The following DHTKD1 variants were observed in gnomAD, a reference collection of about 807,000 sequenced individuals.
DHTKD1 encodes the protein dehydrogenase E1 and transketolase domain containing 1, also known as 2-oxoadipate dehydrogenase complex component E1.
DHTKD1 carries 78 observed loss-of-function variants against 101.8 expected under a neutral mutation model. That is an observed-to-expected ratio of 0.77 (90% CI 0.64 to 0.93). DHTKD1 has a LOEUF of 0.93. DHTKD1 is among the 40% of genes least tolerant of loss of function. DHTKD1 has a pLI of 0.00. For missense variants in DHTKD1, 1,223 were observed against 1,161.7 expected (o/e 1.05, Z -0.77); for synonymous variants, 462 against 450.3 (o/e 1.03, Z -0.33).
At chr10:12,070,661 G>A (rs2131343620) in intron 1 of DHTKD1, among the ~76,000 whole-genome samples, 1 of 152,174 alleles carries the variant, frequency 6.6e-6, no homozygotes, top group African/African-American at 2.4e-5. Context: ...GCTAATTTTT[G>A]TATTTTTAGT....
chr10:12,069,973 G>A (rs563767447), intron 1 of DHTKD1, among the ~76,000 whole-genome samples: 1 of 152,188 alleles, frequency 6.6e-6, no homozygotes, highest in South Asian at 2.1e-4. Flanking sequence ...TGCATTGCTT[G>A]GGAGAAGTGG....
chr10:12,079,856 G>A (rs577970569), intron 1 of DHTKD1, among the ~76,000 whole-genome samples: 2 of 152,128 alleles, frequency 1.3e-5, no homozygotes, highest in Non-Finnish European at 2.9e-5. Context: ...AAATCAGTTC[G>A]TTTCCTGGGA....
At chr10:12,120,483 G>A (rs1170886208) in intron 16 of DHTKD1, 15 of 517,846 alleles carry the variant, frequency 2.9e-5, no homozygotes, top group South Asian at 4.2e-5. Flanking sequence ...ACAGGCGCCC[G>A]CCACCACACC....
At chr10:12,109,489 G>T (rs1833297416) in intron 12 of DHTKD1, among the ~76,000 whole-genome samples, 1 of 151,172 alleles carries the variant, frequency 6.6e-6, no homozygotes, top group Non-Finnish European at 1.5e-5. Flanking sequence ...ACAGTCATGA[G>T]TCTGGAAGAA....
rs112910106 is a variant in DHTKD1, at chr10:12,097,876, G to A, written c.1551G>A (p.Ala517=). 127 of 1,614,212 alleles carry A rather than the reference G, an allele frequency of 7.9e-5. 2 individuals are homozygous for A. The highest frequency in any genetic ancestry group is 3.5e-4 in the African/African-American group (26 of 75,056). ...AHWQGLAQPE[A]QITTWSTGVP... Reference sequence around the variant, plus strand: ...GGCAGGGCCTGGCTCAGCCAGAAGCGCAAATCACCACCTGGAGTACAGGTG... The same window carrying A: ...GGCAGGGCCTGGCTCAGCCAGAAGCACAAATCACCACCTGGAGTACAGGTG... The change falls in exon 8 of 17, where the codon GCG becomes GCA. Residue 517 remains alanine (A), a synonymous_variant. Transcript: ENST00000263035.
At chr10:12,081,949 G>C (rs894685220) in intron 2 of DHTKD1, among the ~76,000 whole-genome samples, 3 of 148,310 alleles carry the variant, frequency 2.0e-5, no homozygotes, top group African/African-American at 7.5e-5. Context: ...AACATAGTGA[G>C]ACTGTCTCTA....
At chr10:12,091,826 A>T in intron 6 of DHTKD1, 142 bp downstream of exon 6, 1 of 663,456 alleles carries the variant, frequency 1.5e-6, no homozygotes, top group South Asian at 2.6e-5. Flanking sequence ...ATTTTTTGAG[A>T]TGGAGTCTTG....
Position 12,069,023 on chromosome 10 carries a change from A to T in DHTKD1, c.-11A>T. The stretch of plus-strand genomic sequence containing the variant: ...CCCGCCTTAGCATGCTGGCCGGGAC[A>T]TCTGGTGAACATGGCCTCTGCTACT... On this transcript the variant is annotated 5_prime_UTR_variant, in exon 1 of 17. Coordinates refer to ENST00000263035, the MANE Select transcript of DHTKD1 (RefSeq NM_018706.7). 1.9e-6 allele frequency: 3 copies of T among 1,613,062 alleles called. No homozygotes were observed. Among genetic ancestry groups the T allele is most frequent in the Admixed American group, 1.7e-5 (1 of 60,014 alleles).
chr10:12,092,516 T>C (rs1237587613), intron 6 of DHTKD1, among the ~76,000 whole-genome samples: 1 of 151,896 alleles, frequency 6.6e-6, no homozygotes, highest in Non-Finnish European at 1.5e-5. Flanking sequence ...AGAAATAAGA[T>C]GTGAAGGCTG....
intron 1 of DHTKD1, among the ~76,000 whole-genome samples, chr10:12,080,336 G>A (rs1279297502): frequency 6.6e-6 from 1 of 150,464 alleles, no homozygotes; most frequent in East Asian, 2.0e-4. Context: ...CTTTGGCAGT[G>A]CATAGAATAC....
rs1387974723 is a variant in DHTKD1, at chr10:12,081,630, A to G, written c.310+3A>G. ...GCAGGGACCCTTCCACACGGCAGGT[A>G]TGGCTTCTGCACAGCAGGCGGGAGC... On this transcript the variant is annotated splice_donor_region_variant and intron_variant, in intron 2 of 16. Transcript: ENST00000263035. The G allele has an allele frequency of 6.2e-7, 1 of 1,613,960 alleles. No homozygotes were observed. The highest frequency in any genetic ancestry group is 8.5e-7 in the Non-Finnish European group (1 of 1,180,010).
chr10:12,068,995 G>T lies in DHTKD1; in HGVS notation c.-39G>T. ...ACCAGGGCCGGTGGGATCCCCTCGGGCTCCCGCCTTAGCATGCTGGCCGGG... is the reference window on the plus strand; with the variant it reads ...ACCAGGGCCGGTGGGATCCCCTCGGTCTCCCGCCTTAGCATGCTGGCCGGG... On this transcript the variant is annotated 5_prime_UTR_variant, in exon 1 of 17. Transcript: ENST00000263035. The T allele has an allele frequency of 1.2e-6, 2 of 1,609,904 alleles. No homozygotes were observed.
In DHTKD1 at chr10:12,097,754, G is replaced by T. The variant is rs200505201; in HGVS notation, c.1429G>T (p.Val477Leu). 1 of 1,614,186 alleles carries T rather than the reference G, an allele frequency of 6.2e-7. No homozygotes were observed. The highest frequency in any genetic ancestry group is 8.5e-7 in the Non-Finnish European group (1 of 1,180,026). ...IAGGLMTQEE[V>L]SEIKSSYYAK... ...TGGCGGACTCATGACGCAGGAGGAG[G>T]TGTCTGAAATAAAATCCTCCTACTA... The change falls in exon 8 of 17, where the codon GTG becomes TTG. Residue 477 changes from valine (V) to leucine (L), a missense_variant. Val to Leu is a conservative substitution (Grantham distance 32). Transcript: ENST00000263035.
At chr10:12,086,605 A>G (rs1832906837) in intron 3 of DHTKD1, among the ~76,000 whole-genome samples, 1 of 152,094 alleles carries the variant, frequency 6.6e-6, no homozygotes, top group Non-Finnish European at 1.5e-5. Context: ...TTAAGGCATC[A>G]GCCACCGTGA....
chr10:12,072,398 G>T (rs1486014270), intron 1 of DHTKD1, among the ~76,000 whole-genome samples: 1 of 151,962 alleles, frequency 6.6e-6, no homozygotes, highest in African/African-American at 2.4e-5. Context: ...GGAGGCTGAG[G>T]TTGCAATGAG....
intron 11 of DHTKD1, 95 bp downstream of exon 11, chr10:12,106,491 T>G: frequency 6.6e-7 from 1 of 1,504,068 alleles, no homozygotes; most frequent in African/African-American, 1.4e-5. Flanking sequence ...ACTGCTGCCT[T>G]GAGACTCCCG....
intron 1 of DHTKD1, 93 bp downstream of exon 1, chr10:12,069,280 G>C (rs1397393902): frequency 1.3e-5 from 16 of 1,239,758 alleles, no homozygotes; most frequent in Non-Finnish European, 1.6e-5. Flanking sequence ...TCGGGGAACC[G>C]GCTGCCGGCC....
At chr10:12,076,046 T>C (rs1832722985) in intron 1 of DHTKD1, among the ~76,000 whole-genome samples, 2 of 150,562 alleles carry the variant, frequency 1.3e-5, no homozygotes, top group African/African-American at 4.8e-5. Flanking sequence ...GCAACAGTCT[T>C]AGGGACAAAT....
intron 1 of DHTKD1, among the ~76,000 whole-genome samples, chr10:12,076,675 T>G (rs1832736501): frequency 6.6e-6 from 1 of 151,662 alleles, no homozygotes; most frequent in Non-Finnish European, 1.5e-5. Context: ...TCTTTTTTTC[T>G]CGGGACGGAG....
Sources: allele counts gnomAD v4.1 joint callset (sites outside exome capture counted in the v4.1 genomes callset), GRCh38; gene constraint gnomAD v4.1.1; transcripts MANE v1.5; gene names NCBI Gene and HGNC (gene_info 2026-07-23, HGNC 2026-07-21).